TRABD2B: variants seen among roughly 807,000 people sequenced by gnomAD.
TRABD2B encodes metalloprotease TIKI2.
Under a neutral mutation model 40.1 loss-of-function variants are expected in TRABD2B, and 14 were observed. That is an observed-to-expected ratio of 0.35 (90% CI 0.23 to 0.55). TRABD2B has a LOEUF of 0.55. Ranked by LOEUF, TRABD2B falls within the 20% of genes least tolerant of loss-of-function variation. The probability of loss-of-function intolerance (pLI) is 0.90; values close to 1 mark genes in which losing one functional copy is unlikely to be tolerated. For synonymous variants in TRABD2B, 263 were observed against 277.0 expected (o/e 0.95, Z 0.50); for missense variants, 541 against 648.6 (o/e 0.83, Z 1.80).
At chr1:47,809,025 C>T (rs1047186681) in intron 2 of TRABD2B, among the ~76,000 whole-genome samples, 6 of 152,142 alleles carry the variant, frequency 3.9e-5, no homozygotes, top group South Asian at 4.1e-4. Context: ...GCTTTCACTG[C>T]CCAGGCTGAC....
intron 3 of TRABD2B, chr1:47,795,633 CA>C (rs1644738149): frequency 1.0e-6 from 1 of 984,398 alleles, no homozygotes; most frequent in Admixed American, 6.2e-5. Context: ...TGTGGGGATT[CA>C]ATAAGAGGAT....
chr1:47,785,534 T>C (rs1019300682), intron 4 of TRABD2B, among the ~76,000 whole-genome samples: 7 of 152,214 alleles, frequency 4.6e-5, no homozygotes, highest in South Asian at 2.1e-4. Context: ...AGCGCAAAGA[T>C]GGTTACAAAT....
chr1:47,975,778 A>C (rs1484195947), intron 2 of TRABD2B, among the ~76,000 whole-genome samples: 1 of 152,124 alleles, frequency 6.6e-6, no homozygotes, highest in Non-Finnish European at 1.5e-5. Flanking sequence ...ACAAACTATA[A>C]ATGGCAAATA....
intron 2 of TRABD2B, among the ~76,000 whole-genome samples, chr1:47,953,067 C>T (rs1645369090): frequency 1.3e-5 from 2 of 151,984 alleles, no homozygotes; most frequent in South Asian, 4.1e-4. Flanking sequence ...ATTAGGGGAA[C>T]ATTTGCTTGG....
intron 2 of TRABD2B, among the ~76,000 whole-genome samples, chr1:47,963,256 C>A (rs982953237): frequency 6.6e-6 from 1 of 152,216 alleles, no homozygotes; most frequent in African/African-American, 2.4e-5. Context: ...ATATTCAAGA[C>A]ATGCATGTTG....
At chr1:47,832,367 G>A (rs140100741) in intron 2 of TRABD2B, among the ~76,000 whole-genome samples, 1 of 151,848 alleles carries the variant, frequency 6.6e-6, no homozygotes, top group Non-Finnish European at 1.5e-5. Flanking sequence ...GGTCCAGTCC[G>A]ACCAGTCATG....
chr1:47,926,546 T>C (rs1429892241), intron 2 of TRABD2B, among the ~76,000 whole-genome samples: 2 of 152,128 alleles, frequency 1.3e-5, no homozygotes, highest in East Asian at 1.9e-4. Flanking sequence ...CTCTGTCCTT[T>C]TAAAACCCCT....
chr1:47,951,217 C>T (rs796963850), intron 2 of TRABD2B, among the ~76,000 whole-genome samples: 20 of 152,264 alleles, frequency 1.3e-4, no homozygotes, highest in African/African-American at 4.8e-4. Flanking sequence ...CAGGCAGGGG[C>T]GAGTCATCGG....
intron 2 of TRABD2B, among the ~76,000 whole-genome samples, chr1:47,923,225 T>C (rs1192147354): frequency 6.6e-6 from 1 of 152,230 alleles, no homozygotes; most frequent in African/African-American, 2.4e-5. Context: ...ATGCCAGTCA[T>C]TCTTACATGC....
chr1:47,984,331 C>T (rs1645886329), intron 2 of TRABD2B, among the ~76,000 whole-genome samples: 1 of 152,250 alleles, frequency 6.6e-6, no homozygotes, highest in African/African-American at 2.4e-5. Flanking sequence ...AGGACATACA[C>T]ACTGCGGCCC....
chr1:47,810,323 G>A (rs1644947415), intron 2 of TRABD2B, among the ~76,000 whole-genome samples: 1 of 152,038 alleles, frequency 6.6e-6, no homozygotes, highest in South Asian at 2.1e-4. Flanking sequence ...TCCTGCCTTA[G>A]CCTCCCAATA....
intron 2 of TRABD2B, among the ~76,000 whole-genome samples, chr1:47,930,540 C>T (rs74071858): frequency 0.15 from 22,514 of 152,160 alleles, 1,913 homozygotes; most frequent in East Asian, 0.35. Context: ...CTGCTACTGC[C>T]CTGCAGAGGC....
intron 2 of TRABD2B, among the ~76,000 whole-genome samples, chr1:47,966,905 A>AAATAAAATAAAATAC (rs1645611834): frequency 3.2e-4 from 2 of 6,324 alleles, no homozygotes; most frequent in African/African-American, 1.2e-3. Flanking sequence ...ACTCTGTCTC[A>AAATAAAATAAAATAC]AATAAAATAA....
chr1:47,843,726 G>A (rs557133625), intron 2 of TRABD2B, among the ~76,000 whole-genome samples: 72 of 152,244 alleles, frequency 4.7e-4, no homozygotes, highest in African/African-American at 1.7e-3. Context: ...GAAGACAGAG[G>A]GGTGGCCCGA....
intron 4 of TRABD2B, among the ~76,000 whole-genome samples, chr1:47,780,420 C>T (rs542693590): frequency 3.9e-5 from 6 of 152,146 alleles, no homozygotes; most frequent in Non-Finnish European, 5.9e-5. Flanking sequence ...CTATTCATCT[C>T]GTTCATTTAA....
intron 2 of TRABD2B, among the ~76,000 whole-genome samples, chr1:47,908,718 GCA>G (rs1644710783): frequency 6.6e-6 from 1 of 152,200 alleles, no homozygotes; most frequent in African/African-American, 2.4e-5. Flanking sequence ...GCTCGGCCAG[GCA>G]CACAAGTCCC....
At chr1:47,889,617 T>C (rs1271719465) in intron 2 of TRABD2B, among the ~76,000 whole-genome samples, 1 of 152,212 alleles carries the variant, frequency 6.6e-6, no homozygotes, top group Non-Finnish European at 1.5e-5. Flanking sequence ...TACAGGGTTA[T>C]CTATTAGGTC....
At chr1:47,962,628 C>T (rs1171479912) in intron 2 of TRABD2B, among the ~76,000 whole-genome samples, 1 of 152,218 alleles carries the variant, frequency 6.6e-6, no homozygotes, top group Non-Finnish European at 1.5e-5. Flanking sequence ...ATGATTGATT[C>T]ATTTAGGCTT....
rs1645456522 is a variant in TRABD2B, at chr1:47,845,471, T to C, written c.667-43852A>G. ...TATGCTACAGGCACTATTATTCTCC[T>C]CTTACATATTAGGAGACTGAGGCAC... On this transcript the variant is annotated intron_variant, in intron 2 of 6. Coordinates refer to ENST00000606738, the MANE Select transcript of TRABD2B (RefSeq NM_001194986.2). Among the ~76,000 whole-genome samples, 3 of 152,206 alleles carry C rather than the reference T, an allele frequency of 2.0e-5. No homozygotes were observed. The South Asian group carries it at 6.2e-4, about 32-fold the overall frequency.
Sources: gnomAD v4.1 joint callset for allele counts (sites outside exome capture counted in the v4.1 genomes callset) on GRCh38, gnomAD v4.1.1 for gene constraint, MANE v1.5 for transcripts, NCBI Gene and HGNC (gene_info 2026-07-23, HGNC 2026-07-21) for gene names.